Variants in SYN3 observed in about 807,000 individuals in gnomAD.
SYN3 encodes the protein synapsin-3.
SYN3 carries 35 observed loss-of-function variants against 65.8 expected under a neutral mutation model. The observed-to-expected ratio is 0.53, with a 90% CI of 0.41 to 0.70. The LOEUF is 0.70. Among genes scored for constraint, SYN3 ranks in the 30% least tolerant of loss-of-function variants. The pLI is 0.00. For missense variants in SYN3, 680 were observed against 749.0 expected (o/e 0.91, Z 1.08); for synonymous variants, 270 against 292.9 (o/e 0.92, Z 0.80).
intron 7 of SYN3, among the ~76,000 whole-genome samples, chr22:32,575,407 G>A (rs1286100037): frequency 1.3e-5 from 2 of 152,176 alleles, no homozygotes; most frequent in Non-Finnish European, 2.9e-5. Context: ...TTCTGGCGAG[G>A]GAGTGGGTGG....
intron 6 of SYN3, among the ~76,000 whole-genome samples, chr22:32,776,029 T>G (rs1321368539): frequency 6.6e-6 from 1 of 152,054 alleles, no homozygotes. Context: ...CGTGTATCCT[T>G]ATACGAGGCA....
chr22:32,897,393 T>C (rs1180579229), intron 4 of SYN3, among the ~76,000 whole-genome samples: 1 of 152,200 alleles, frequency 6.6e-6, no homozygotes. Context: ...GCCTGGGAAC[T>C]GGGTCCTTGC....
intron 6 of SYN3, among the ~76,000 whole-genome samples, chr22:32,739,413 T>G (rs1453107278): frequency 6.6e-6 from 1 of 151,346 alleles, no homozygotes; most frequent in East Asian, 1.9e-4. Flanking sequence ...GTCTCGGGTA[T>G]GTCTTTATCA....
chr22:32,574,742 G>A (rs546831502), intron 7 of SYN3, among the ~76,000 whole-genome samples: 4 of 152,142 alleles, frequency 2.6e-5, no homozygotes, highest in Non-Finnish European at 5.9e-5. Flanking sequence ...GCTAGGCAGC[G>A]CCTTCTCATG....
intron 3 of SYN3, among the ~76,000 whole-genome samples, chr22:32,961,936 TC>T (rs1020371806): frequency 1.7e-4 from 26 of 151,956 alleles, no homozygotes; most frequent in African/African-American, 5.6e-4. Flanking sequence ...TCCCTTGAAG[TC>T]CCCCAGGTAA....
At chr22:32,791,303 C>T (rs896384202) in intron 6 of SYN3, among the ~76,000 whole-genome samples, 5 of 152,144 alleles carry the variant, frequency 3.3e-5, no homozygotes, top group Admixed American at 6.6e-5. Flanking sequence ...ATTCAATTTA[C>T]GCTTAGAGAG....
At chr22:32,834,296 G>A (rs1289544896) in intron 6 of SYN3, among the ~76,000 whole-genome samples, 4 of 151,472 alleles carry the variant, frequency 2.6e-5, no homozygotes, top group Non-Finnish European at 5.9e-5. Context: ...GGGATTACAG[G>A]TGCCCTCCAC....
chr22:32,762,666 T>G (rs1010120391), intron 6 of SYN3, among the ~76,000 whole-genome samples: 1 of 152,160 alleles, frequency 6.6e-6, no homozygotes, highest in Non-Finnish European at 1.5e-5. Flanking sequence ...TCAGGTGATA[T>G]AGAAGAACAG....
chr22:32,812,389 C>T (rs2046938867), intron 6 of SYN3, among the ~76,000 whole-genome samples: 1 of 152,114 alleles, frequency 6.6e-6, no homozygotes, highest in South Asian at 2.1e-4. Flanking sequence ...CATATTTGAC[C>T]ACCAAACTTC....
At chr22:32,651,646 C>T (rs970833670) in intron 6 of SYN3, among the ~76,000 whole-genome samples, 33 of 152,252 alleles carry the variant, frequency 2.2e-4, no homozygotes, top group African/African-American at 7.2e-4. Context: ...CTCAGCCACG[C>T]GTGATACCCC....
intron 4 of SYN3, among the ~76,000 whole-genome samples, chr22:32,901,664 A>G (rs2049763995): frequency 6.6e-6 from 1 of 152,168 alleles, no homozygotes; most frequent in Admixed American, 6.5e-5. Flanking sequence ...TAGTTTCTTA[A>G]TCCCCAGGAC....
At position 32,511,084 on chromosome 22, in the gene SYN3, G is replaced by A. The variant is rs1185825123; in HGVS notation, c.*2608C>T. ...TTAATCAATATTTATACTCTCTTCT[G>A]TTAGATTTCTTTTAACAGAATAACT... On this transcript the variant is annotated 3_prime_UTR_variant, in exon 14 of 14. Transcript: ENST00000358763. Among the ~76,000 whole-genome samples, 1 of 151,366 alleles carries A rather than the reference G, an allele frequency of 6.6e-6. No homozygotes were observed. Among genetic ancestry groups the A allele is most frequent in the Non-Finnish European group, 1.5e-5 (1 of 67,932 alleles).
intron 12 of SYN3, among the ~76,000 whole-genome samples, chr22:32,526,959 G>C (rs940603807): frequency 6.6e-6 from 1 of 152,186 alleles, no homozygotes; most frequent in Admixed American, 6.5e-5. Flanking sequence ...GAGAGGATAC[G>C]GGGCGGATTT....
chr22:32,692,920 AT>A (rs1174979583), intron 6 of SYN3, among the ~76,000 whole-genome samples: 1 of 152,192 alleles, frequency 6.6e-6, no homozygotes, highest in Non-Finnish European at 1.5e-5. Context: ...CCCAAAGCTA[AT>A]CACAATTAGC....
intron 4 of SYN3, among the ~76,000 whole-genome samples, chr22:32,913,220 GCA>G (rs1569322130): frequency 1.3e-5 from 2 of 151,800 alleles, no homozygotes; most frequent in African/African-American, 4.8e-5. Flanking sequence ...GACTGCAGTG[GCA>G]CAATCTCAGC....
intron 6 of SYN3, among the ~76,000 whole-genome samples, chr22:32,612,279 G>A (rs995925665): frequency 3.9e-5 from 6 of 152,196 alleles, no homozygotes; most frequent in Non-Finnish European, 5.9e-5. Flanking sequence ...ACTCCAACCA[G>A]TCAGACAAAA....
intron 6 of SYN3, among the ~76,000 whole-genome samples, chr22:32,773,269 T>G (rs558634337): frequency 1.3e-5 from 2 of 151,982 alleles, no homozygotes; most frequent in South Asian, 4.2e-4. Context: ...TAGCCGGCCA[T>G]GGTGGCATGA....
intron 6 of SYN3, among the ~76,000 whole-genome samples, chr22:32,651,868 T>A (rs572559058): frequency 6.6e-6 from 1 of 152,312 alleles, no homozygotes; most frequent in East Asian, 1.9e-4. Flanking sequence ...CATGAGCCAA[T>A]GTGTGGAGAC....
intron 6 of SYN3, among the ~76,000 whole-genome samples, chr22:32,761,054 A>C (rs1318913819): frequency 2.6e-5 from 4 of 151,956 alleles, no homozygotes; most frequent in African/African-American, 9.7e-5. Flanking sequence ...CCAGCTCTTC[A>C]ATCTAGAGGA....
Sources: gnomAD v4.1 joint callset for allele counts (sites outside exome capture counted in the v4.1 genomes callset) on GRCh38, gnomAD v4.1.1 for gene constraint, MANE v1.5 for transcripts, NCBI Gene and HGNC (gene_info 2026-07-23, HGNC 2026-07-21) for gene names.